METTL21C: variants seen among roughly 807,000 people sequenced by gnomAD.
The protein encoded by METTL21C is methyltransferase 21C, AARS1 lysine.
In METTL21C, 21 loss-of-function variants were observed where a neutral mutation model predicts 25.9. The ratio of observed to expected loss-of-function variants is 0.81; its 90% confidence interval spans 0.58 to 1.17. The LOEUF (loss-of-function observed/expected upper bound fraction) is 1.17, where lower values mean the gene tolerates loss of function less well. Ranked by LOEUF, METTL21C falls within the 50% of genes most tolerant of loss-of-function variation. The pLI, the probability that METTL21C is intolerant of heterozygous loss-of-function variation, is 0.00. For missense variants in METTL21C, 312 were observed against 315.1 expected (o/e 0.99, Z 0.07); for synonymous variants, 125 against 124.7 (o/e 1.00, Z -0.01).
At chr13:102,692,289 G>A (rs911112380) in intron 1 of METTL21C, among the ~76,000 whole-genome samples, 7 of 139,354 alleles carry the variant, frequency 5.0e-5, no homozygotes, top group Non-Finnish European at 1.1e-4. Flanking sequence ...CATCCCTCAG[G>A]TCGGGGGCAG....
rs762694113 is a variant in METTL21C, at chr13:102,694,449, C to T, written c.50G>A (p.Gly17Glu). 5 of 1,462,470 alleles carry T rather than the reference C, an allele frequency of 3.4e-6. No homozygotes were observed. The highest frequency in any genetic ancestry group is 4.4e-5 in the Admixed American group (2 of 45,232). 90.6% of individuals were successfully genotyped at this position (1,462,470 alleles called of 1,614,324 possible). Residue 17 changes from glycine to glutamate, a missense_variant, in exon 1 of 4, where the codon GGA becomes GAA. Coordinates refer to ENST00000267273, the MANE Select transcript of METTL21C (RefSeq NM_001010977.3). Reference sequence around the variant, plus strand: ...TAACCAGCCACCCGGGGAGCTGAGTCCTTCCCCCCGGCGCCCAGGCTGCTG... The same window carrying T: ...TAACCAGCCACCCGGGGAGCTGAGTTCTTCCCCCCGGCGCCCAGGCTGCTG... Reference protein sequence around the residue: ...SAQQPGRRGEGLSSPGGWLEA... With the variant: ...SAQQPGRRGEELSSPGGWLEA...
the METTL21C span, among the ~76,000 whole-genome samples, chr13:102,703,519 G>A: frequency 0.02 from 3,022 of 152,312 alleles, 91 homozygotes; most frequent in African/African-American, 0.069. Context: ...AGCAGGAGAT[G>A]AATGTAAACT....
At position 102,690,914 on chromosome 13, in the gene METTL21C, T is replaced by C. The variant is rs1885814654; in HGVS notation, c.181A>G (p.Thr61Ala). 7 of 1,614,134 alleles carry C rather than the reference T, an allele frequency of 4.3e-6. No individual in the cohort carries two copies. The highest frequency in any genetic ancestry group is 5.9e-6 in the Non-Finnish European group (7 of 1,180,006). The change falls in exon 2 of 4, where the codon ACA becomes GCA. Residue 61 changes from threonine (T) to alanine (A), a missense_variant. By Grantham distance (58) the Thr-to-Ala change is moderately conservative (BLOSUM62 0). Transcript: ENST00000267273. Reference sequence around the variant, plus strand: ...TCCTGAGTGTAGCTGGCGTAATCTGTAGGAACAAATTTCTGGAGGCTATGA... The same window carrying C: ...TCCTGAGTGTAGCTGGCGTAATCTGCAGGAACAAATTTCTGGAGGCTATGA... ...SLHSLQKFVP[T>A]DYASYTQEHY...
chr13:102,702,603 T>C, the METTL21C span, among the ~76,000 whole-genome samples: 1 of 148,464 alleles, frequency 6.7e-6, no homozygotes, highest in Non-Finnish European at 1.5e-5. Flanking sequence ...TTTTTTTTTT[T>C]TGAGACGGAG....
At chr13:102,698,224 G>T (rs976084524), upstream of METTL21C, among the ~76,000 whole-genome samples, 5 of 152,080 alleles carry the variant, frequency 3.3e-5, no homozygotes, top group Non-Finnish European at 7.4e-5. Flanking sequence ...TCTTTGGAAG[G>T]GTTCTGGATC....
upstream of METTL21C, among the ~76,000 whole-genome samples, chr13:102,698,517 C>T (rs184638863): frequency 3.3e-5 from 5 of 152,234 alleles, no homozygotes; most frequent in Admixed American, 2.6e-4. Flanking sequence ...TATTCTTTCA[C>T]GTCCTACATG....
intron 1 of METTL21C, among the ~76,000 whole-genome samples, chr13:102,692,570 T>TAA (rs34498591): frequency 2.7e-4 from 40 of 150,070 alleles, no homozygotes; most frequent in East Asian, 5.9e-4. Flanking sequence ...TGCAGCACAC[T>TAA]AAAAAAAAAA....
At position 102,690,927 on chromosome 13, in the gene METTL21C, C is replaced by T; in HGVS notation, c.168G>A (p.Gln56=). The change falls in exon 2 of 4, where the codon CAG becomes CAA. Residue 56 remains glutamine, a synonymous_variant. Transcript: ENST00000267273. ...TGGCGTAATCTGTAGGAACAAATTT[C>T]TGGAGGCTATGAAGAGATGGTTCTA... ...NKIEPSLHSL[Q]KFVPTDYASY... The T allele has an allele frequency of 6.2e-7, 1 of 1,614,044 alleles. No individual in the cohort carries two copies. The highest frequency in any genetic ancestry group is 8.5e-7 in the Non-Finnish European group (1 of 1,179,966).
chr13:102,689,652 A>G (rs570008508), intron 2 of METTL21C, among the ~76,000 whole-genome samples: 123 of 152,334 alleles, frequency 8.1e-4, no homozygotes, highest in South Asian at 6.2e-3. Flanking sequence ...CTAATCACTG[A>G]CAACATCCGC....
intron 2 of METTL21C, among the ~76,000 whole-genome samples, chr13:102,688,771 C>T (rs918685797): frequency 6.6e-6 from 1 of 152,192 alleles, no homozygotes; most frequent in African/African-American, 2.4e-5. Flanking sequence ...AGGGGTCCTT[C>T]CTGGTGCCCT....
Position 102,687,008 on chromosome 13 carries a change from A to G in METTL21C, c.332T>C (p.Phe111Ser). 1 of 1,614,190 alleles carries G rather than the reference A, an allele frequency of 6.2e-7. No individual in the cohort carries two copies. Among genetic ancestry groups the G allele is most frequent in the Non-Finnish European group, 8.5e-7 (1 of 1,180,004 alleles). ...AATTTCAAGTATTTTTGCATCTTGGAAATTCAATTCCTCGGCATGTTCCTC... is the reference window on the plus strand; with the variant it reads ...AATTTCAAGTATTTTTGCATCTTGGGAATTCAATTCCTCGGCATGTTCCTC... ...YLEEHAEELN[F>S]QDAKILEIGA... The change falls in exon 3 of 4, where the codon TTC becomes TCC. Residue 111 changes from phenylalanine to serine, a missense_variant. By Grantham distance (155) the Phe-to-Ser change is radical. Transcript: ENST00000267273.
At chr13:102,686,903 A>C in intron 3 of METTL21C, 37 bp downstream of exon 3, 1 of 1,518,136 alleles carries the variant, frequency 6.6e-7, no homozygotes, top group Middle Eastern at 1.7e-4. Context: ...TGTTACAGTA[A>C]AGATCTGGAT....
intron 2 of METTL21C, 62 bp downstream of exon 2, chr13:102,690,751 T>C (rs375365549): frequency 1.8e-5 from 28 of 1,575,394 alleles, no homozygotes; most frequent in African/African-American, 6.8e-5. Context: ...CCAAGGCAAC[T>C]CTGAAGTACG....
rs761300402 is a variant in METTL21C at position 102,694,397 on chromosome 13, C to T, written c.102G>A (p.Gln34=). 17 of 1,514,720 alleles carry T rather than the reference C, an allele frequency of 1.1e-5. No individual in the cohort carries two copies. Among genetic ancestry groups the T allele is most frequent in the Non-Finnish European group, 1.3e-5 (15 of 1,138,478 alleles). 93.8% of individuals were successfully genotyped at this position (1,514,720 alleles called of 1,614,324 possible). ...WLEAEKKGAP[Q]KDSTGGVLEE... is the part of the protein sequence containing the mutation. ...CTAGGACTCCCCCGGTGCTGTCTTT[C>T]TGCGGAGCCCCCTTCTTCTCAGCCT... Residue 34 remains glutamine, a synonymous_variant, in exon 1 of 4, where the codon CAG becomes CAA. Transcript: ENST00000267273.
the METTL21C span, among the ~76,000 whole-genome samples, chr13:102,703,660 G>A: frequency 1.4e-4 from 22 of 152,314 alleles, no homozygotes; most frequent in Non-Finnish European, 2.4e-4. Flanking sequence ...GAGGAACCAC[G>A]GCAGTGAGGT....
Position 102,687,044 on chromosome 13 carries a change from C to T in METTL21C, c.296G>A (p.Cys99Tyr), listed in dbSNP as rs1169054586. ...CTCGGCATGTTCCTCCAAGTATTGA[C>T]ACAAAGCCATAGCCTAAAAAATAAT... ...AVVWPGAMAL[C>Y]QYLEEHAEEL... The change falls in exon 3 of 4, where the codon TGT (cysteine) becomes TAT (tyrosine). Residue 99 changes from cysteine to tyrosine, a missense_variant. Transcript: ENST00000267273. The T allele has an allele frequency of 6.2e-7, 1 of 1,613,292 alleles. No individual in the cohort carries two copies. The highest frequency in any genetic ancestry group is 1.7e-4 in the Middle Eastern group (1 of 6,060).
chr13:102,701,499 AC>A, the METTL21C span, among the ~76,000 whole-genome samples: 1 of 152,338 alleles, frequency 6.6e-6, no homozygotes, highest in Admixed American at 6.5e-5. Flanking sequence ...CTCACGGACA[AC>A]CACTGCCCCT....
At chr13:102,693,076 G>A (rs930243541) in intron 1 of METTL21C, among the ~76,000 whole-genome samples, 5 of 152,246 alleles carry the variant, frequency 3.3e-5, no homozygotes, top group South Asian at 2.1e-4. Flanking sequence ...CCACCGTGCC[G>A]TTTTCAGAGA....
At chr13:102,696,920 G>T (rs945215698), upstream of METTL21C, among the ~76,000 whole-genome samples, 1 of 152,146 alleles carries the variant, frequency 6.6e-6, no homozygotes, top group Non-Finnish European at 1.5e-5. Context: ...ATTGACGGGG[G>T]GCAGGGCAGG....
Sources: gnomAD v4.1 joint callset for allele counts (sites outside exome capture counted in the v4.1 genomes callset) on GRCh38, gnomAD v4.1.1 for gene constraint, MANE v1.5 for transcripts, NCBI Gene and HGNC (gene_info 2026-07-23, HGNC 2026-07-21) for gene names.